Variants in CEP89 observed in about 807,000 individuals in gnomAD.
CEP89 encodes centrosomal protein 89, also known as centrosomal protein of 89 kDa.
A neutral mutation model predicts 97.6 loss-of-function variants in CEP89; 95 were observed. That is an observed-to-expected ratio of 0.97 (90% CI 0.82 to 1.15). CEP89 has a LOEUF of 1.15. CEP89 is among the 50% of genes most tolerant of loss of function. CEP89 has a pLI of 0.00. For missense variants in CEP89, 869 were observed against 947.7 expected (o/e 0.92, Z 1.09); for synonymous variants, 354 against 349.1 (o/e 1.01, Z -0.16).
Position 32,917,606 on chromosome 19 carries a change from C to T in CEP89, c.1384+618G>A, listed in dbSNP as rs542693908. ...ATCAGTAAAGCAAAGGGAAAAAATGCCACTATCTTTTGTACTCATGAATTA... is the reference window on the plus strand; with the variant it reads ...ATCAGTAAAGCAAAGGGAAAAAATGTCACTATCTTTTGTACTCATGAATTA... On this transcript the variant is annotated intron_variant, in intron 13 of 18. Transcript: ENST00000305768. 8.3e-4 allele frequency among the ~76,000 whole-genome samples: 126 copies of T among 152,278 alleles called. 1 individual carries two copies. The highest frequency in any genetic ancestry group is 2.8e-3 in the African/African-American group (118 of 41,572).
At chr19:32,900,788 AATCTGAT>A (rs1969749476) in intron 15 of CEP89, among the ~76,000 whole-genome samples, 1 of 152,212 alleles carries the variant, frequency 6.6e-6, no homozygotes, top group Non-Finnish European at 1.5e-5. Context: ...TACTTATTAT[AATCTGAT>A]ATCCAGTAAT....
chr19:32,941,387 C>T (rs1182678422), intron 5 of CEP89, among the ~76,000 whole-genome samples: 2 of 152,018 alleles, frequency 1.3e-5, no homozygotes, highest in African/African-American at 4.8e-5. Flanking sequence ...CCTGTAATCC[C>T]AGCTACTTGG....
chr19:32,900,245 C>CTTTTT (rs1568549962), intron 15 of CEP89, among the ~76,000 whole-genome samples: 2 of 91,568 alleles, frequency 2.2e-5, no homozygotes, highest in Admixed American at 1.2e-4. Context: ...TGAATAGGTT[C>CTTTTT]ATTTTTTTTT....
chr19:32,968,632 A>G (rs1477605522), intron 1 of CEP89, among the ~76,000 whole-genome samples: 3 of 150,812 alleles, frequency 2.0e-5, no homozygotes, highest in African/African-American at 7.3e-5. Flanking sequence ...TTTTTTTTTT[A>G]AAGAGTGAAT....
chr19:32,942,556 T>C (rs972431341), intron 5 of CEP89, among the ~76,000 whole-genome samples: 1 of 152,242 alleles, frequency 6.6e-6, no homozygotes, highest in African/African-American at 2.4e-5. Flanking sequence ...ATCTTAGTCA[T>C]GAACTTTTCA....
intron 1 of CEP89, among the ~76,000 whole-genome samples, chr19:32,967,481 C>T (rs925341972): frequency 5.0e-4 from 73 of 145,866 alleles, no homozygotes; most frequent in African/African-American, 1.7e-3. Flanking sequence ...TGGAATGAGC[C>T]GGGAGAAAGG....
intron 1 of CEP89, chr19:32,970,916 G>A (rs1408530462): frequency 6.6e-6 from 1 of 152,356 alleles, no homozygotes; most frequent in Non-Finnish European, 1.5e-5. Context: ...AGCTACTCAG[G>A]AGCCTGAGGC....
rs541441488 is a variant in CEP89 at position 32,960,063 on chromosome 19, G to C, written c.147-5C>G. On this transcript the variant is annotated splice_region_variant and splice_polypyrimidine_tract_variant and intron_variant, in intron 2 of 18. Coordinates refer to ENST00000305768, the MANE Select transcript of CEP89 (RefSeq NM_032816.5). ...ATGGCTGCTGCCAGAGCAGATCTGC[G>C]GACAAAAACATCCCATGGAGACAGT... is the stretch of plus-strand genomic sequence containing the variant. The C allele has an allele frequency of 6.2e-7, 1 of 1,613,952 alleles. No individual in the cohort carries two copies. Among genetic ancestry groups the C allele is most frequent in the African/African-American group, 1.3e-5 (1 of 75,034 alleles).
intron 9 of CEP89, among the ~76,000 whole-genome samples, chr19:32,929,238 A>G (rs1970421086): frequency 6.6e-6 from 1 of 152,190 alleles, no homozygotes; most frequent in African/African-American, 2.4e-5. Flanking sequence ...CGTGATATAC[A>G]AAAACAGTAT....
intron 17 of CEP89, among the ~76,000 whole-genome samples, chr19:32,882,311 T>G (rs552819970): frequency 6.6e-6 from 1 of 152,298 alleles, no homozygotes; most frequent in Non-Finnish European, 1.5e-5. Flanking sequence ...GCTTCTAATT[T>G]CAGCACTATT....
At chr19:32,931,624 A>G in intron 8 of CEP89, 53 bp from the exon 9 acceptor site, 1 of 1,412,406 alleles carries the variant, frequency 7.1e-7, no homozygotes, top group Non-Finnish European at 9.6e-7. Context: ...CAATTTATCC[A>G]GATTTTATTA....
chr19:32,956,140 C>T (rs1398837819), intron 3 of CEP89, among the ~76,000 whole-genome samples: 1 of 148,338 alleles, frequency 6.7e-6, no homozygotes, highest in Non-Finnish European at 1.5e-5. Flanking sequence ...ACTGCAAGCT[C>T]CACCTCCCGG....
chr19:32,967,659 C>A (rs1203955270), intron 1 of CEP89, among the ~76,000 whole-genome samples: 1 of 152,182 alleles, frequency 6.6e-6, no homozygotes, highest in African/African-American at 2.4e-5. Flanking sequence ...TGCTTTCCTT[C>A]GAGAAAATCA....
intron 14 of CEP89, among the ~76,000 whole-genome samples, chr19:32,904,491 T>C (rs1969848444): frequency 6.6e-6 from 1 of 152,234 alleles, no homozygotes; most frequent in Non-Finnish European, 1.5e-5. Flanking sequence ...TCCACATCTA[T>C]TTGTGAAGCT....
At position 32,936,617 on chromosome 19, in the gene CEP89, CCTGGGCTTAGTTGGAG is replaced by C. The variant is rs1408015337; in HGVS notation, c.667+998_667+1013del. Reference sequence around the variant, plus strand: ...CCTCCCTTCTGAGGCCCATAAAAGCCCTGGGCTTAGTTGGAGCAGAGCAGATGAGATGACCAGCTGC... The same window carrying C: ...CCTCCCTTCTGAGGCCCATAAAAGCCCAGAGCAGATGAGATGACCAGCTGC... On this transcript the variant is annotated intron_variant, in intron 7 of 18. Transcript: ENST00000305768. The surrounding 1 kb of genome is among the most constrained non-coding windows in gnomAD (Gnocchi z 4.5). Among the ~76,000 whole-genome samples the C allele has an allele frequency of 6.6e-6, 1 of 152,132 alleles. No homozygotes were observed. The highest frequency in any genetic ancestry group is 2.4e-5 in the African/African-American group (1 of 41,422).
Position 32,927,647 on chromosome 19 carries a change from C to T in CEP89, c.1030-663G>A, listed in dbSNP as rs142149137. 1.4e-3 allele frequency among the ~76,000 whole-genome samples: 209 copies of T among 152,182 alleles called. 1 individual carries two copies. The highest frequency in any genetic ancestry group is 4.8e-3 in the African/African-American group (200 of 41,524). ...TGAGACAGGGTCTCATTCCATCACC[C>T]GGGCTGGAGTGCAGTGGTGAGATCA... On this transcript the variant is annotated intron_variant, in intron 9 of 18. Coordinates refer to ENST00000305768, the MANE Select transcript of CEP89 (RefSeq NM_032816.5).
At chr19:32,923,629 C>T in intron 11 of CEP89, 87 bp from the exon 12 acceptor site, 1 of 846,628 alleles carries the variant, frequency 1.2e-6, no homozygotes, top group Non-Finnish European at 2.0e-6. Flanking sequence ...TGGCTAAAAT[C>T]AAATGGTAAC....
intron 16 of CEP89, among the ~76,000 whole-genome samples, chr19:32,889,716 C>G (rs116603692): frequency 0.02 from 3,110 of 152,306 alleles, 113 homozygotes; most frequent in African/African-American, 0.071. Flanking sequence ...CCGGGATTCC[C>G]TGCACGTCCT....
chr19:32,912,852 C>G (rs1479338339), intron 14 of CEP89, among the ~76,000 whole-genome samples: 1 of 151,412 alleles, frequency 6.6e-6, no homozygotes, highest in Non-Finnish European at 1.5e-5. Flanking sequence ...ACCATCCTGG[C>G]TGACACGGTG....
Sources: allele counts gnomAD v4.1 joint callset (sites outside exome capture counted in the v4.1 genomes callset), GRCh38; gene constraint gnomAD v4.1.1; non-coding constraint Gnocchi (gnomAD v3.1); transcripts MANE v1.5; gene names NCBI Gene and HGNC (gene_info 2026-07-23, HGNC 2026-07-21).